The following SEMA6D variants were observed in gnomAD, a reference collection of about 807,000 sequenced individuals.
SEMA6D encodes the protein semaphorin 6D, also known as semaphorin-6D.
A neutral mutation model predicts 106.6 loss-of-function variants in SEMA6D; 35 were observed. The ratio of observed to expected loss-of-function variants is 0.33; its 90% CI spans 0.25 to 0.44. The LOEUF is 0.44. SEMA6D is among the 20% of genes least tolerant of loss of function. The probability of loss-of-function intolerance (pLI) is 1.00; values close to 1 mark genes in which losing one functional copy is unlikely to be tolerated. For synonymous variants in SEMA6D, 499 were observed against 487.7 expected (o/e 1.02, Z -0.31); for missense variants, 1,185 against 1,345.9 (o/e 0.88, Z 1.87).
intron 1 of SEMA6D, among the ~76,000 whole-genome samples, chr15:47,361,552 A>G (rs2038806233): frequency 6.6e-6 from 1 of 152,188 alleles, no homozygotes; most frequent in Admixed American, 6.5e-5. Context: ...AGTAAGAACT[A>G]CTCACTGCCT....
chr15:47,488,570 G>A (rs140397884), intron 3 of SEMA6D, among the ~76,000 whole-genome samples: 1 of 152,132 alleles, frequency 6.6e-6, no homozygotes, highest in African/African-American at 2.4e-5. Flanking sequence ...AATTCATGGA[G>A]CTTTATAATC....
chr15:47,711,188 T>C (rs1444433248), intron 4 of SEMA6D, among the ~76,000 whole-genome samples: 1 of 150,216 alleles, frequency 6.7e-6, no homozygotes, highest in Non-Finnish European at 1.5e-5. Context: ...CGGGCGCCTG[T>C]AGTCCCAGCT....
intron 1 of SEMA6D, among the ~76,000 whole-genome samples, chr15:47,385,259 G>A (rs2039791336): frequency 6.6e-6 from 1 of 152,042 alleles, no homozygotes; most frequent in Admixed American, 6.6e-5. Flanking sequence ...ATTAAGTCAA[G>A]TAAGGGGCTT....
At chr15:47,482,706 C>G (rs865783964) in intron 3 of SEMA6D, among the ~76,000 whole-genome samples, 1 of 151,942 alleles carries the variant, frequency 6.6e-6, no homozygotes, top group Non-Finnish European at 1.5e-5. Context: ...GAAAGCTAAG[C>G]GACTACAAAG....
intron 1 of SEMA6D, among the ~76,000 whole-genome samples, chr15:47,349,791 A>G (rs890151583): frequency 2.0e-5 from 3 of 152,206 alleles, no homozygotes; most frequent in Non-Finnish European, 4.4e-5. Context: ...AATGTGGTAG[A>G]ATATATTCAA....
At chr15:47,719,525 C>G (rs1184840497) in intron 1 of SEMA6D, among the ~76,000 whole-genome samples, 1 of 152,124 alleles carries the variant, frequency 6.6e-6, no homozygotes, top group Non-Finnish European at 1.5e-5. Context: ...TAAGGTTGCC[C>G]TTCCCCCTAC....
chr15:47,369,000 T>C (rs909523355), intron 1 of SEMA6D, among the ~76,000 whole-genome samples: 2 of 152,018 alleles, frequency 1.3e-5, no homozygotes, highest in African/African-American at 4.8e-5. Flanking sequence ...AGGAAACACA[T>C]TGTGGGCCAG....
At chr15:47,222,895 G>A (rs577690743) in intron 1 of SEMA6D, among the ~76,000 whole-genome samples, 4 of 152,144 alleles carry the variant, frequency 2.6e-5, no homozygotes, top group African/African-American at 9.7e-5. Context: ...AATAAATGAG[G>A]TGCAAATGTA....
chr15:47,312,856 T>C lies in SEMA6D; in HGVS notation c.-238-99537T>C, dbSNP rs570634058. 1.6e-3 allele frequency among the ~76,000 whole-genome samples: 249 copies of C among 152,366 alleles called. 1 individual carries two copies. Among genetic ancestry groups the C allele is most frequent in the African/African-American group, 5.5e-3 (229 of 41,596 alleles). On this transcript the variant is annotated intron_variant, in intron 1 of 19. Transcript: ENST00000558014. ...TTTATAAGGTATATTTATATACTTA[T>C]AGCACATCTCAATTCAGATTAGTCA...
At chr15:47,222,472 C>T (rs1455196085) in intron 1 of SEMA6D, among the ~76,000 whole-genome samples, 1 of 152,154 alleles carries the variant, frequency 6.6e-6, no homozygotes, top group Non-Finnish European at 1.5e-5. Flanking sequence ...AAAATTGTCT[C>T]CCAGTGTCCT....
intron 4 of SEMA6D, among the ~76,000 whole-genome samples, chr15:47,704,745 T>C (rs961310925): frequency 6.6e-6 from 1 of 152,216 alleles, no homozygotes; most frequent in African/African-American, 2.4e-5. Flanking sequence ...CTTACTGCAT[T>C]GATTAACACC....
chr15:47,689,672 C>G (rs1453235468), intron 4 of SEMA6D, among the ~76,000 whole-genome samples: 3 of 152,214 alleles, frequency 2.0e-5, no homozygotes, highest in East Asian at 1.9e-4. Context: ...AGAGACTGGT[C>G]TTTAGGAATC....
chr15:47,333,343 G>A (rs1460622197), intron 1 of SEMA6D, among the ~76,000 whole-genome samples: 1 of 152,054 alleles, frequency 6.6e-6, no homozygotes, highest in African/African-American at 2.4e-5. Context: ...AAAGAAAAAT[G>A]GGTTAAAAAC....
At chr15:47,399,519 T>C (rs2040327586) in intron 1 of SEMA6D, 1 of 152,250 alleles carries the variant, frequency 6.6e-6, no homozygotes, top group East Asian at 1.9e-4. Context: ...GATCTGAATT[T>C]CTGATCCTAC....
At chr15:47,336,798 G>A (rs2037577916) in intron 1 of SEMA6D, among the ~76,000 whole-genome samples, 1 of 152,136 alleles carries the variant, frequency 6.6e-6, no homozygotes, top group Non-Finnish European at 1.5e-5. Flanking sequence ...TTTGGACAGT[G>A]CACCATGACC....
chr15:47,458,608 AC>A (rs1311337305), intron 2 of SEMA6D, among the ~76,000 whole-genome samples: 1 of 152,034 alleles, frequency 6.6e-6, no homozygotes, highest in Non-Finnish European at 1.5e-5. Context: ...CTTCTAATTA[AC>A]CTGTATGTCA....
rs2148013286 is a variant in SEMA6D at position 47,772,963 on chromosome 15, G to A, written c.*1178G>A. On this transcript the variant is annotated 3_prime_UTR_variant, in exon 19 of 19. Coordinates refer to ENST00000536845, the MANE Select transcript of SEMA6D (RefSeq NM_001358351.3). The stretch of plus-strand genomic sequence containing the variant: ...AAACAGTCTGTAAAAACCTAACAGT[G>A]GTGCAATCATGTTGTCTGTGTTGTG... The A allele has an allele frequency of 6.6e-6, 1 of 152,582 alleles. No individual in the cohort carries two copies. Among genetic ancestry groups the A allele is most frequent in the East Asian group, 1.9e-4 (1 of 5,168 alleles). 9.5% of individuals were successfully genotyped at this position (152,582 alleles called of 1,614,324 possible). A position where few individuals can be genotyped will look rare whatever the true frequency, so the allele number is the denominator to read the frequency against.
intron 1 of SEMA6D, among the ~76,000 whole-genome samples, chr15:47,404,065 C>T (rs951411251): frequency 2.6e-5 from 4 of 152,126 alleles, no homozygotes; most frequent in Non-Finnish European, 5.9e-5. Flanking sequence ...TCTGATAACT[C>T]CTGAGAAAGA....
At chr15:47,242,163 A>G (rs1243544562) in intron 1 of SEMA6D, among the ~76,000 whole-genome samples, 2 of 152,186 alleles carry the variant, frequency 1.3e-5, no homozygotes, top group Non-Finnish European at 2.9e-5. Context: ...GCCCTGAATC[A>G]GGGGCTATAT....
Sources: gnomAD v4.1 joint callset for allele counts (sites outside exome capture counted in the v4.1 genomes callset) on GRCh38, gnomAD v4.1.1 for gene constraint, MANE v1.5 for transcripts, NCBI Gene and HGNC (gene_info 2026-07-23, HGNC 2026-07-21) for gene names.